Variants in FAF1 observed in about 807,000 individuals in gnomAD.
The protein encoded by FAF1 is Fas associated factor 1.
In FAF1, 25 loss-of-function variants were observed where a neutral mutation model predicts 92.5. The ratio of observed to expected loss-of-function variants is 0.27; its 90% confidence interval spans 0.20 to 0.38. FAF1 has a LOEUF of 0.38. FAF1 is among the 10% of genes least tolerant of loss of function. FAF1 has a pLI of 1.00. For missense variants in FAF1, 636 were observed against 793.3 expected (o/e 0.80, Z 2.38); for synonymous variants, 234 against 273.2 (o/e 0.86, Z 1.42).
chr1:50,745,212 A>T (rs570939128), intron 4 of FAF1, among the ~76,000 whole-genome samples: 4 of 152,174 alleles, frequency 2.6e-5, no homozygotes, highest in Non-Finnish European at 5.9e-5. Flanking sequence ...GAGGCAGGAG[A>T]ATCACTTGAA....
intron 7 of FAF1, among the ~76,000 whole-genome samples, chr1:50,661,293 G>T (rs1011979598): frequency 4.6e-5 from 7 of 152,086 alleles, no homozygotes; most frequent in Non-Finnish European, 1.5e-5. Flanking sequence ...ATATGATTTT[G>T]CCAGAACGCT....
intron 15 of FAF1, among the ~76,000 whole-genome samples, chr1:50,519,196 G>C (rs1315691589): frequency 2.0e-5 from 3 of 151,904 alleles, no homozygotes; most frequent in Non-Finnish European, 2.9e-5. Flanking sequence ...CAGGTGTAGT[G>C]GTGGGCACCT....
intron 7 of FAF1, among the ~76,000 whole-genome samples, chr1:50,683,731 G>A (rs1012240500): frequency 4.6e-5 from 7 of 151,792 alleles, no homozygotes; most frequent in African/African-American, 1.7e-4. Flanking sequence ...TAGGGAGTTC[G>A]AGACCAGCCT....
At chr1:50,508,974 G>A (rs1201102252) in intron 15 of FAF1, among the ~76,000 whole-genome samples, 2 of 152,168 alleles carry the variant, frequency 1.3e-5, no homozygotes, top group Non-Finnish European at 2.9e-5. Context: ...AAAGTGCTGG[G>A]ATTACAGGCG....
intron 2 of FAF1, among the ~76,000 whole-genome samples, chr1:50,804,467 G>A (rs201243572): frequency 6.6e-6 from 1 of 152,076 alleles, no homozygotes; most frequent in Non-Finnish European, 1.5e-5. Context: ...GAAAAAGACT[G>A]GGAAAGTGTT....
intron 13 of FAF1, among the ~76,000 whole-genome samples, chr1:50,552,022 C>T (rs116381848): frequency 2.7e-3 from 410 of 152,208 alleles, no homozygotes; most frequent in Non-Finnish European, 4.2e-3. Flanking sequence ...AGGCCAGGTG[C>T]GGTGGCTCAT....
At chr1:50,516,504 A>G (rs943403743) in intron 15 of FAF1, among the ~76,000 whole-genome samples, 3 of 152,214 alleles carry the variant, frequency 2.0e-5, no homozygotes, top group African/African-American at 7.2e-5. Context: ...GGACCGAAAT[A>G]CCAAGCACGC....
intron 2 of FAF1, among the ~76,000 whole-genome samples, chr1:50,827,491 C>T (rs1049846910): frequency 2.6e-5 from 4 of 152,124 alleles, no homozygotes; most frequent in Non-Finnish European, 5.9e-5. Flanking sequence ...ACAAACACTG[C>T]GGAAGGCCGC....
chr1:50,587,105 T>C (rs1343251812), intron 9 of FAF1, among the ~76,000 whole-genome samples: 4 of 152,206 alleles, frequency 2.6e-5, no homozygotes, highest in Non-Finnish European at 5.9e-5. Context: ...GTTCTATATA[T>C]ACTTCTTTCT....
intron 5 of FAF1, among the ~76,000 whole-genome samples, chr1:50,740,728 T>C (rs1398600222): frequency 6.6e-6 from 1 of 152,228 alleles, no homozygotes; most frequent in Non-Finnish European, 1.5e-5. Context: ...CAATTACCTA[T>C]AACTTTACAA....
rs567845131 is a variant in FAF1, at chr1:50,630,544, A to G, written c.744+24898T>C. Among the ~76,000 whole-genome samples, 139 of 152,176 alleles carry G rather than the reference A, an allele frequency of 9.1e-4. 1 individual carries two copies. The highest frequency in any genetic ancestry group is 3.3e-3 in the African/African-American group (135 of 41,534). On this transcript the variant is annotated intron_variant, in intron 8 of 18. Transcript: ENST00000396153. ...ACTATATGCCCTTTCCCCCTATTCT[A>G]TAGGTTGCATAATTTTGTTTGCTTT...
At chr1:50,846,051 G>C (rs1278566103) in intron 2 of FAF1, among the ~76,000 whole-genome samples, 1 of 152,068 alleles carries the variant, frequency 6.6e-6, no homozygotes, top group African/African-American at 2.4e-5. Context: ...TTGAACCCAG[G>C]AGATGGAGGT....
chr1:50,498,474 TA>T (rs1169325596), intron 15 of FAF1, among the ~76,000 whole-genome samples: 1 of 151,988 alleles, frequency 6.6e-6, no homozygotes, highest in Non-Finnish European at 1.5e-5. Flanking sequence ...TGGAAGAAAA[TA>T]TTTGCACGTG....
At chr1:50,702,906 C>A (rs1032106451) in intron 7 of FAF1, among the ~76,000 whole-genome samples, 1 of 152,022 alleles carries the variant, frequency 6.6e-6, no homozygotes, top group African/African-American at 2.4e-5. Context: ...AAGTTGAAAT[C>A]ATAGTGCCTT....
intron 4 of FAF1, among the ~76,000 whole-genome samples, chr1:50,768,390 A>G (rs1455971914): frequency 6.6e-6 from 1 of 152,128 alleles, no homozygotes; most frequent in Non-Finnish European, 1.5e-5. Flanking sequence ...CTGAGGCAAA[A>G]GACTAACAAA....
intron 17 of FAF1, among the ~76,000 whole-genome samples, chr1:50,480,425 C>T (rs985622331): frequency 1.3e-5 from 2 of 152,106 alleles, no homozygotes; most frequent in African/African-American, 2.4e-5. Context: ...GTATAAATAA[C>T]GGTTTATAGC....
In FAF1 at chr1:50,577,422, G is replaced by A. The variant is rs181140451; in HGVS notation, c.1113+5196C>T. ...CACCTGTAGTCCCAGCTACTCAGGA[G>A]GCTGAGGCAGGAGAATCGCTTGAAC... is the stretch of plus-strand genomic sequence containing the variant. On this transcript the variant is annotated intron_variant, in intron 12 of 18. Transcript: ENST00000396153. 1.1e-4 allele frequency among the ~76,000 whole-genome samples: 16 copies of A among 152,328 alleles called. No homozygotes were observed. The East Asian group carries it at 2.3e-3, about 22-fold the overall frequency.
chr1:50,585,880 TAAAAAAA>T lies in FAF1; in HGVS notation c.841-1076_841-1070del, dbSNP rs958484582. ...ATCATGGCCAGATCTCATCTCTACA[TAAAAAAA>T]AAAAAAAAAAAAAAGAAAAAAGTCT... On this transcript the variant is annotated intron_variant, in intron 9 of 18. Transcript: ENST00000396153. Among the ~76,000 whole-genome samples the T allele has an allele frequency of 1.2e-4, 11 of 90,680 alleles. 1 individual carries two copies. The South Asian group carries it at 1.5e-3, about 13-fold the overall frequency. 59.5% of individuals were successfully genotyped at this position (90,680 alleles called of 152,430 possible). A position where few individuals can be genotyped will look rare whatever the true frequency, so the allele number is the denominator to read the frequency against.
chr1:50,928,656 G>A (rs574500854), intron 1 of FAF1, among the ~76,000 whole-genome samples: 93 of 150,150 alleles, frequency 6.2e-4, no homozygotes, highest in African/African-American at 2.2e-3. Context: ...GATGGCGGGC[G>A]CCTGTAATCC....
Sources: gnomAD v4.1 joint callset for allele counts (sites outside exome capture counted in the v4.1 genomes callset) on GRCh38, gnomAD v4.1.1 for gene constraint, MANE v1.5 for transcripts, NCBI Gene and HGNC (gene_info 2026-07-23, HGNC 2026-07-21) for gene names.